TNFSF15: variants seen among roughly 807,000 people sequenced by gnomAD.
TNFSF15 encodes the protein tumor necrosis factor ligand superfamily member 15.
Under a neutral mutation model 26.4 loss-of-function variants are expected in TNFSF15, and 15 were observed. The ratio of observed to expected loss-of-function variants is 0.57; its 90% CI spans 0.38 to 0.87. The LOEUF is 0.87. TNFSF15 is among the 40% of genes least tolerant of loss of function. The pLI is 0.00. For synonymous variants in TNFSF15, 116 were observed against 115.0 expected, an observed-to-expected ratio of 1.01 and a Z score of -0.06; for missense variants, 290 against 306.1, an observed-to-expected ratio of 0.95 and a Z score of 0.39.
intron 1 of TNFSF15, among the ~76,000 whole-genome samples, chr9:114,805,183 A>C (rs1229935164): frequency 6.6e-6 from 1 of 152,256 alleles, no homozygotes; most frequent in Non-Finnish European, 1.5e-5. Flanking sequence ...TAAAAAGAGA[A>C]AAAGTTCTAA....
At chr9:114,794,404 T>C (rs1829649714) in intron 1 of TNFSF15, among the ~76,000 whole-genome samples, 3 of 152,184 alleles carry the variant, frequency 2.0e-5, no homozygotes, top group Admixed American at 2.0e-4. Context: ...CATTGGACTA[T>C]TATACATGGT....
rs190614556 is a variant in TNFSF15, at chr9:114,789,475, C to A, written c.*977G>T. 6.6e-6 allele frequency: 1 copy of A among 152,276 alleles called. No individual in the cohort carries two copies. Among genetic ancestry groups the A allele is most frequent in the South Asian group, 2.1e-4 (1 of 4,820 alleles). The allele number at this position is 152,276 out of a possible 1,614,324, so 9.4% of individuals were successfully genotyped here. On this transcript the variant is annotated 3_prime_UTR_variant, in exon 4 of 4. Coordinates refer to ENST00000374045, the MANE Select transcript of TNFSF15 (RefSeq NM_005118.4). ...GATTACAGCCATGCGCTACCACGCC[C>A]GGCTAATTTTGTATTTTTAGTAGAG...
chr9:114,796,690 A>C (rs1829676899), intron 1 of TNFSF15, among the ~76,000 whole-genome samples: 1 of 152,210 alleles, frequency 6.6e-6, no homozygotes, highest in South Asian at 2.1e-4. Flanking sequence ...ACAACAGCAA[A>C]TACCTCAATA....
At chr9:114,791,288 A>C in intron 3 of TNFSF15, 1 of 330,788 alleles carries the variant, frequency 3.0e-6, no homozygotes, top group Non-Finnish European at 5.8e-6. Flanking sequence ...GATAAAACTC[A>C]TCGATGCCTC....
At chr9:114,795,988 G>T (rs1003900058) in intron 1 of TNFSF15, among the ~76,000 whole-genome samples, 2 of 152,124 alleles carry the variant, frequency 1.3e-5, no homozygotes, top group Non-Finnish European at 2.9e-5. Context: ...AGCCCCTTGA[G>T]GGCAGAAATC....
intron 1 of TNFSF15, among the ~76,000 whole-genome samples, chr9:114,801,403 C>A (rs181030625): frequency 1.4e-4 from 21 of 152,198 alleles, no homozygotes; most frequent in East Asian, 3.9e-4. Context: ...GAGGCAAGAC[C>A]TGGTTGGGGA....
intron 3 of TNFSF15, chr9:114,791,211 A>AT: frequency 1.9e-6 from 1 of 529,622 alleles, no homozygotes; most frequent in Non-Finnish European, 3.4e-6. Context: ...AGGTTAAGGA[A>AT]TCCCCCTATT....
intron 1 of TNFSF15, among the ~76,000 whole-genome samples, chr9:114,796,547 GGGACACA>G (rs1426237721): frequency 6.6e-6 from 1 of 152,214 alleles, no homozygotes; most frequent in Non-Finnish European, 1.5e-5. Context: ...TGAATTAGTA[GGGACACA>G]GAGACCTGGC....
chr9:114,803,618 C>T (rs1829776735), intron 1 of TNFSF15, among the ~76,000 whole-genome samples: 1 of 152,196 alleles, frequency 6.6e-6, no homozygotes, highest in Non-Finnish European at 1.5e-5. Flanking sequence ...GCTCAGTTGC[C>T]CCTGGACCTT....
intron 1 of TNFSF15, among the ~76,000 whole-genome samples, chr9:114,797,230 G>C (rs2131305240): frequency 1.3e-5 from 2 of 152,310 alleles, no homozygotes; most frequent in South Asian, 4.2e-4. Flanking sequence ...ATGTATCTGA[G>C]CTGTGGACAC....
chr9:114,804,290 C>T (rs769687502), intron 1 of TNFSF15, among the ~76,000 whole-genome samples: 2 of 152,190 alleles, frequency 1.3e-5, no homozygotes, highest in South Asian at 2.1e-4. Flanking sequence ...CTTCCTTCAC[C>T]GAGCTTCCCG....
At chr9:114,791,207 A>G (rs1829592637) in intron 3 of TNFSF15, 3 of 541,836 alleles carry the variant, frequency 5.5e-6, no homozygotes, top group Non-Finnish European at 1.0e-5. Flanking sequence ...ATGAAGGTTA[A>G]GGAATCCCCC....
In TNFSF15 at chr9:114,790,351, C is replaced by T. The variant is rs1587897320; in HGVS notation, c.*101G>A. ...CGTTGTCCCTGTGGAATGCCCCCTA[C>T]TCCCGGCCCCAAGAAAACCCCTGGT... On this transcript the variant is annotated 3_prime_UTR_variant, in exon 4 of 4. Coordinates refer to ENST00000374045, the MANE Select transcript of TNFSF15 (RefSeq NM_005118.4). The T allele has an allele frequency of 8.0e-7, 1 of 1,248,638 alleles. No individual in the cohort carries two copies. The highest frequency in any genetic ancestry group is 2.3e-5 in the East Asian group (1 of 42,738). 77.3% of individuals were successfully genotyped at this position (1,248,638 alleles called of 1,614,324 possible).
intron 1 of TNFSF15, among the ~76,000 whole-genome samples, chr9:114,795,124 A>G (rs534702780): frequency 1.2e-4 from 19 of 152,312 alleles, no homozygotes; most frequent in African/African-American, 4.6e-4. Context: ...TACACATTTT[A>G]TGTATGTAGC....
chr9:114,786,929 A>G lies in TNFSF15; in HGVS notation c.*3523T>C, dbSNP rs995839972. 4 of 151,506 alleles carry G rather than the reference A, an allele frequency of 2.6e-5. No homozygotes were observed. Among genetic ancestry groups the G allele is most frequent in the African/African-American group, 9.7e-5 (4 of 41,144 alleles). 9.4% of individuals were successfully genotyped at this position (151,506 alleles called of 1,614,324 possible). ...TCTGTCTCAAAAAAAAAAAAAAAAA[A>G]AAAGAAAAAGAAATTTTAGTAGCAT... On this transcript the variant is annotated 3_prime_UTR_variant, in exon 4 of 4. Coordinates refer to ENST00000374045, the MANE Select transcript of TNFSF15 (RefSeq NM_005118.4).
rs752410781 is a variant in TNFSF15 at position 114,792,524 on chromosome 9, G to C, written c.254-70C>G. 11 of 1,608,602 alleles carry C rather than the reference G, an allele frequency of 6.8e-6. No homozygotes were observed. The East Asian group carries it at 2.5e-4, about 36-fold the overall frequency. On this transcript the variant is annotated intron_variant, in intron 2 of 3. Transcript: ENST00000374045. ...CTGAAATGAAGACGGCCCTTTGTGA[G>C]TTGCATGGCGCCTATGATAGGAGAG...
intron 1 of TNFSF15, among the ~76,000 whole-genome samples, chr9:114,805,137 G>A (rs1429642435): frequency 6.6e-6 from 1 of 152,120 alleles, no homozygotes; most frequent in African/African-American, 2.4e-5. Context: ...AGACCTTAGA[G>A]ATAGACAACC....
intron 3 of TNFSF15, chr9:114,792,043 T>G (rs1829607043): frequency 4.6e-6 from 1 of 218,526 alleles, no homozygotes; most frequent in Non-Finnish European, 9.8e-6. Context: ...CCAAGAGACA[T>G]GGGCCTTTGG....
chr9:114,795,823 G>A (rs1015445740), intron 1 of TNFSF15, among the ~76,000 whole-genome samples: 3 of 152,222 alleles, frequency 2.0e-5, no homozygotes, highest in Non-Finnish European at 4.4e-5. Flanking sequence ...CATATGTATG[G>A]ATGTCTTGCC....
Sources: gnomAD v4.1 joint callset for allele counts (sites outside exome capture counted in the v4.1 genomes callset) on GRCh38, gnomAD v4.1.1 for gene constraint, MANE v1.5 for transcripts, NCBI Gene and HGNC (gene_info 2026-07-23, HGNC 2026-07-21) for gene names.